The following HOMER1 variants were observed in gnomAD, a reference collection of about 807,000 sequenced individuals.
The protein encoded by HOMER1 is homer protein homolog 1.
Under a neutral mutation model 48.9 loss-of-function variants are expected in HOMER1, and 3 were observed. The observed-to-expected ratio is 0.06, with a 90% confidence interval of 0.03 to 0.16. The LOEUF (loss-of-function observed/expected upper bound fraction) is 0.16. HOMER1 is among the 10% of genes least tolerant of loss of function. The pLI, the probability that HOMER1 is intolerant of heterozygous loss-of-function variation, is 1.00. For synonymous variants in HOMER1, 134 were observed against 146.4 expected, an observed-to-expected ratio of 0.92 and a Z score of 0.61; for missense variants, 247 against 411.4, an observed-to-expected ratio of 0.60 and a Z score of 3.46.
chr5:79,399,308 CAT>C (rs1004522530), intron 6 of HOMER1, among the ~76,000 whole-genome samples: 2 of 152,150 alleles, frequency 1.3e-5, no homozygotes, highest in Non-Finnish European at 2.9e-5. Flanking sequence ...AGCAGAAATC[CAT>C]AGTCTTATTT....
At position 79,396,824 on chromosome 5, in the gene HOMER1, T is replaced by G. The variant is rs1749397773; in HGVS notation, c.875A>C (p.Gln292Pro). 6.3e-7 allele frequency: 1 copy of G among 1,575,666 alleles called. No homozygotes were observed. Among genetic ancestry groups the G allele is most frequent in the Non-Finnish European group, 8.7e-7 (1 of 1,147,442 alleles). The part of the protein sequence containing the change: ...EQRDSLTQKL[Q>P]EVEIRNKDLE... ...ATAACAATTTTTACTACAGCTCACC[T>G]GTAGTTTCTGAGTCAAAGAATCCCT... Residue 292 changes from glutamine (Q) to proline (P), a missense_variant and splice_region_variant, in exon 8 of 9, where the codon CAG (glutamine) becomes CCG (proline). This residue lies in a region of HOMER1 where 113 missense variants were observed against 152.5 expected (regional missense o/e 0.74). Transcript: ENST00000334082.
chr5:79,386,952 T>C (rs933853830), intron 8 of HOMER1, among the ~76,000 whole-genome samples: 2 of 127,060 alleles, frequency 1.6e-5, no homozygotes, highest in African/African-American at 2.8e-5. Flanking sequence ...CTTCCTTTCC[T>C]TTCTTCCTTC....
At chr5:79,457,631 A>G (rs1430387073) in intron 1 of HOMER1, among the ~76,000 whole-genome samples, 1 of 152,202 alleles carries the variant, frequency 6.6e-6, no homozygotes, top group African/African-American at 2.4e-5. Flanking sequence ...CATCAGTTCA[A>G]TGTTAATGCA....
At chr5:79,494,766 G>T (rs1189369902) in intron 1 of HOMER1, among the ~76,000 whole-genome samples, 1 of 152,222 alleles carries the variant, frequency 6.6e-6, no homozygotes. Flanking sequence ...CTACTCGGGA[G>T]GCTGAGGCGG....
intron 1 of HOMER1, among the ~76,000 whole-genome samples, chr5:79,494,990 G>A (rs1368084969): frequency 6.6e-6 from 1 of 152,166 alleles, no homozygotes; most frequent in African/African-American, 2.4e-5. Flanking sequence ...AGCTTCTAAA[G>A]TCATATGCAG....
At chr5:79,501,940 A>T (rs1752603913) in intron 1 of HOMER1, among the ~76,000 whole-genome samples, 1 of 152,236 alleles carries the variant, frequency 6.6e-6, no homozygotes, top group South Asian at 2.1e-4. Flanking sequence ...TGAAAAGAAT[A>T]AGATAAAATT....
At position 79,375,956 on chromosome 5, in the gene HOMER1, A is replaced by G. The variant is rs562814031; in HGVS notation, c.*53T>C. 1 of 1,138,842 alleles carries G rather than the reference A, an allele frequency of 8.8e-7. No individual in the cohort carries two copies. Among genetic ancestry groups the G allele is most frequent in the African/African-American group, 1.7e-5 (1 of 59,606 alleles). The allele number at this position is 1,138,842 out of a possible 1,614,324, so 70.5% of individuals were successfully genotyped here. ...CTTGATGCAGAGCCTAAACAGTCCT[A>G]TGAAGAGAGACAGTGTATCTTTTAA... On this transcript the variant is annotated 3_prime_UTR_variant, in exon 9 of 9. Coordinates refer to ENST00000334082, the MANE Select transcript of HOMER1 (RefSeq NM_004272.5).
Position 79,375,089 on chromosome 5 carries a change from C to T in HOMER1, c.*920G>A, listed in dbSNP as rs1013364734. 2 of 152,046 alleles carry T rather than the reference C, an allele frequency of 1.3e-5. No homozygotes were observed. The highest frequency in any genetic ancestry group is 1.5e-5 in the Non-Finnish European group (1 of 67,930). The allele number at this position is 152,046 out of a possible 1,614,324, so 9.4% of individuals were successfully genotyped here. A position where few individuals can be genotyped will look rare whatever the true frequency, so the allele number is the denominator to read the frequency against. On this transcript the variant is annotated 3_prime_UTR_variant, in exon 9 of 9. Transcript: ENST00000334082. ...TATTCGTAAATTGAAATGCATTGATCATTCAGAAAAGATTTCTTGCAAAAT... is the reference window on the plus strand; with the variant it reads ...TATTCGTAAATTGAAATGCATTGATTATTCAGAAAAGATTTCTTGCAAAAT...
intron 5 of HOMER1, among the ~76,000 whole-genome samples, chr5:79,419,037 G>A (rs1213277573): frequency 2.0e-5 from 3 of 152,054 alleles, no homozygotes; most frequent in South Asian, 2.1e-4. Context: ...AAATATCATT[G>A]CAAAATTTGC....
chr5:79,425,205 T>A (rs1000539605), intron 5 of HOMER1, among the ~76,000 whole-genome samples: 11 of 151,536 alleles, frequency 7.3e-5, no homozygotes, highest in Admixed American at 7.2e-4. Context: ...CTAAAGATGA[T>A]CAGAGAAATC....
chr5:79,507,809 T>C (rs925372380), intron 1 of HOMER1, among the ~76,000 whole-genome samples: 3 of 152,200 alleles, frequency 2.0e-5, no homozygotes, highest in Non-Finnish European at 4.4e-5. Context: ...CTATAAACTA[T>C]GAATAAGGAC....
chr5:79,508,060 T>C (rs901972568), intron 1 of HOMER1, among the ~76,000 whole-genome samples: 4 of 152,256 alleles, frequency 2.6e-5, no homozygotes, highest in Non-Finnish European at 5.9e-5. Flanking sequence ...CCAGAGTTCA[T>C]TGTTCTGGCT....
At chr5:79,506,257 T>C (rs1380726269) in intron 1 of HOMER1, among the ~76,000 whole-genome samples, 1 of 151,960 alleles carries the variant, frequency 6.6e-6, no homozygotes, top group East Asian at 1.9e-4. Context: ...AAAATCCAAG[T>C]AGAAGAAAAA....
chr5:79,380,190 T>C (rs1447181839), intron 8 of HOMER1, among the ~76,000 whole-genome samples: 1 of 152,096 alleles, frequency 6.6e-6, no homozygotes, highest in African/African-American at 2.4e-5. Flanking sequence ...AATCCTGCAA[T>C]CTGAGTCATG....
At position 79,400,098 on chromosome 5, in the gene HOMER1, G is replaced by A. The variant is rs575830974; in HGVS notation, c.684+1801C>T. ...CAATTGTCATAAATTTTTTTTTGTGGTAAAAAACATATATCATAAAATTTA... is the reference window on the plus strand; with the variant it reads ...CAATTGTCATAAATTTTTTTTTGTGATAAAAAACATATATCATAAAATTTA... On this transcript the variant is annotated intron_variant, in intron 6 of 8. Coordinates refer to ENST00000334082, the MANE Select transcript of HOMER1 (RefSeq NM_004272.5). Among the ~76,000 whole-genome samples the A allele has an allele frequency of 8.4e-4, 128 of 151,622 alleles. 1 individual carries two copies. Among genetic ancestry groups the A allele is most frequent in the Non-Finnish European group, 1.4e-3 (95 of 67,908 alleles).
chr5:79,383,382 A>G (rs545786264), intron 8 of HOMER1, among the ~76,000 whole-genome samples: 43 of 151,634 alleles, frequency 2.8e-4, no homozygotes, highest in African/African-American at 9.5e-4. Context: ...CATTTACAGA[A>G]CATCTTTTTT....
chr5:79,430,114 A>C (rs1288717705), intron 5 of HOMER1, among the ~76,000 whole-genome samples: 1 of 152,226 alleles, frequency 6.6e-6, no homozygotes, highest in African/African-American at 2.4e-5. Context: ...AAAATATTTA[A>C]AAATCAATTA....
At chr5:79,507,569 AACT>A (rs1343566852) in intron 1 of HOMER1, among the ~76,000 whole-genome samples, 1 of 152,162 alleles carries the variant, frequency 6.6e-6, no homozygotes, top group African/African-American at 2.4e-5. Context: ...GTCATTTAAA[AACT>A]ACATCAGAAA....
chr5:79,491,364 C>T (rs762699735), intron 1 of HOMER1, among the ~76,000 whole-genome samples: 55 of 135,862 alleles, frequency 4.0e-4, no homozygotes, highest in Non-Finnish European at 9.1e-5. Flanking sequence ...ACTAAAGCCC[C>T]GGAGGTTGAG....
Sources: allele counts gnomAD v4.1 joint callset (sites outside exome capture counted in the v4.1 genomes callset), GRCh38; gene constraint gnomAD v4.1.1; regional missense constraint gnomAD v4.1.1; transcripts MANE v1.5; gene names NCBI Gene and HGNC (gene_info 2026-07-23, HGNC 2026-07-21).